Variants in DYM observed in about 807,000 individuals in gnomAD.
DYM encodes the protein dyggve-Melchior-Clausen syndrome protein.
In DYM, 78 loss-of-function variants were observed where a neutral mutation model predicts 93.1. That is an observed-to-expected ratio of 0.84 (90% CI 0.70 to 1.01). The LOEUF (loss-of-function observed/expected upper bound fraction) is 1.01, where lower values mean the gene tolerates loss of function less well. Among genes scored for constraint, DYM ranks in the 50% least tolerant of loss-of-function variants. DYM has a pLI of 0.00. For missense variants in DYM, 789 were observed against 845.0 expected (o/e 0.93, Z 0.82); for synonymous variants, 321 against 319.7 (o/e 1.00, Z -0.04).
At chr18:49,245,238 T>A (rs1330054581) in intron 13 of DYM, among the ~76,000 whole-genome samples, 1 of 152,208 alleles carries the variant, frequency 6.6e-6, no homozygotes. Context: ...AAAATGTTTG[T>A]AAAACATGTA....
rs146791528 is a variant in DYM, at chr18:49,303,209, G to A, written c.764-16593C>T. Reference sequence around the variant, plus strand: ...ATCTGCATTTCCTGATTTCTCCTGAGGGACAATCTCTCTTAGGCATTTTGC... The same window carrying A: ...ATCTGCATTTCCTGATTTCTCCTGAAGGACAATCTCTCTTAGGCATTTTGC... On this transcript the variant is annotated intron_variant, in intron 8 of 17. Coordinates refer to ENST00000675505, the MANE Select transcript of DYM (RefSeq NM_001353214.3). 2.6e-4 allele frequency among the ~76,000 whole-genome samples: 40 copies of A among 152,274 alleles called. No individual in the cohort carries two copies. In the East Asian group the frequency reaches 7.1e-3, roughly 27 times the overall value.
Position 49,389,949 on chromosome 18 carries a change from A to G in DYM, c.193+1644T>C, listed in dbSNP as rs1379934247. Reference sequence around the variant, plus strand: ...ACCCAAAGTCACCTTAAAAGCCATTATCACAGTAACTACACTAATATTGTT... The same window carrying G: ...ACCCAAAGTCACCTTAAAAGCCATTGTCACAGTAACTACACTAATATTGTT... On this transcript the variant is annotated intron_variant, in intron 3 of 17. Transcript: ENST00000675505. Among the ~76,000 whole-genome samples the G allele has an allele frequency of 2.0e-5, 3 of 152,174 alleles. No individual in the cohort carries two copies. The East Asian group carries it at 5.8e-4, about 29-fold the overall frequency.
At chr18:49,456,974 C>T (rs1316628005) in intron 1 of DYM, among the ~76,000 whole-genome samples, 2 of 152,182 alleles carry the variant, frequency 1.3e-5, no homozygotes, top group Non-Finnish European at 2.9e-5. Context: ...CACTAGGAAA[C>T]AGGATACCAA....
At chr18:49,434,783 T>A (rs780410049) in intron 1 of DYM, among the ~76,000 whole-genome samples, 1 of 151,994 alleles carries the variant, frequency 6.6e-6, no homozygotes, top group Non-Finnish European at 1.5e-5. Context: ...CTGGGCAATA[T>A]AGCAATACCC....
chr18:49,286,319 C>T lies in DYM; in HGVS notation c.946+115G>A, dbSNP rs567677137. 4.9e-6 allele frequency: 6 copies of T among 1,231,048 alleles called. No individual in the cohort carries two copies. In the Admixed American group the frequency reaches 1.0e-4, roughly 21 times the overall value. The allele number at this position is 1,231,048 out of a possible 1,614,324, so 76.3% of individuals were successfully genotyped here. ...AAGCTAAAGTTTTTCTCATGTTTGA[C>T]CAATATGAAAACATACAATGGACAC... is the stretch of plus-strand genomic sequence containing the variant. On this transcript the variant is annotated intron_variant, in intron 9 of 17. Coordinates refer to ENST00000675505, the MANE Select transcript of DYM (RefSeq NM_001353214.3).
At chr18:49,409,969 T>C (rs190492173) in intron 2 of DYM, among the ~76,000 whole-genome samples, 59 of 152,306 alleles carry the variant, frequency 3.9e-4, no homozygotes, top group African/African-American at 1.3e-3. Context: ...GCCTCTTTAG[T>C]GGTTTCTATC....
intron 11 of DYM, among the ~76,000 whole-genome samples, chr18:49,271,561 C>T (rs1000399299): frequency 6.6e-6 from 1 of 151,858 alleles, no homozygotes; most frequent in Non-Finnish European, 1.5e-5. Context: ...AAAGCATTTG[C>T]CTTACAGGAG....
At chr18:49,411,370 A>G (rs2072225322) in intron 2 of DYM, among the ~76,000 whole-genome samples, 1 of 152,206 alleles carries the variant, frequency 6.6e-6, no homozygotes, top group African/African-American at 2.4e-5. Context: ...GAAGAAAACA[A>G]AATTTTAAAT....
chr18:49,184,995 G>A (rs1316210705), intron 14 of DYM, among the ~76,000 whole-genome samples: 1 of 152,144 alleles, frequency 6.6e-6, no homozygotes, highest in Non-Finnish European at 1.5e-5. Context: ...GGTGGTCAGG[G>A]AAGGCTTCAC....
chr18:49,245,122 T>G (rs898054994), intron 13 of DYM, among the ~76,000 whole-genome samples: 1 of 152,232 alleles, frequency 6.6e-6, no homozygotes, highest in Non-Finnish European at 1.5e-5. Context: ...ATCAATACTT[T>G]TATAATTTCT....
intron 3 of DYM, among the ~76,000 whole-genome samples, chr18:49,383,629 T>A (rs1392200437): frequency 6.6e-6 from 1 of 152,230 alleles, no homozygotes; most frequent in Non-Finnish European, 1.5e-5. Context: ...TGCAGCTTCA[T>A]GGGTTACACC....
chr18:49,415,387 C>G (rs1600079690), intron 2 of DYM, among the ~76,000 whole-genome samples: 1 of 147,818 alleles, frequency 6.8e-6, no homozygotes, highest in Non-Finnish European at 1.5e-5. Context: ...CGATATACAC[C>G]ATAATGTTAA....
intron 10 of DYM, among the ~76,000 whole-genome samples, chr18:49,273,525 T>C (rs754490296): frequency 2.8e-4 from 42 of 152,188 alleles, no homozygotes; most frequent in Non-Finnish European, 2.8e-4. Context: ...TGTGGTTGTA[T>C]TGTCTCATAA....
intron 15 of DYM, among the ~76,000 whole-genome samples, chr18:49,153,617 A>G (rs920119972): frequency 6.6e-6 from 1 of 152,238 alleles, no homozygotes; most frequent in African/African-American, 2.4e-5. Flanking sequence ...GCAACAGAAT[A>G]ATAACAGTAT....
intron 2 of DYM, among the ~76,000 whole-genome samples, chr18:49,404,360 A>G (rs1191470081): frequency 6.6e-6 from 1 of 152,196 alleles, no homozygotes. Flanking sequence ...TTGCTATTGC[A>G]AATACTGCTG....
chr18:49,120,470 C>T (rs894538810), intron 15 of DYM, among the ~76,000 whole-genome samples: 3 of 152,308 alleles, frequency 2.0e-5, no homozygotes, highest in Admixed American at 2.0e-4. Flanking sequence ...GGACATCCCC[C>T]TGCCTCGGAA....
intron 15 of DYM, among the ~76,000 whole-genome samples, chr18:49,141,424 T>C (rs989842433): frequency 3.3e-5 from 5 of 152,284 alleles, no homozygotes; most frequent in Non-Finnish European, 5.9e-5. Flanking sequence ...GCCTTGAACA[T>C]AGCCCTACAA....
intron 2 of DYM, among the ~76,000 whole-genome samples, chr18:49,407,370 C>T (rs745397240): frequency 6.6e-6 from 1 of 152,014 alleles, no homozygotes; most frequent in Non-Finnish European, 1.5e-5. Context: ...AAAGGAATAC[C>T]GGAGCCTGAG....
At chr18:49,421,220 TGA>T (rs2073665736) in intron 2 of DYM, among the ~76,000 whole-genome samples, 1 of 152,140 alleles carries the variant, frequency 6.6e-6, no homozygotes, top group Non-Finnish European at 1.5e-5. Flanking sequence ...CCCTGACCCC[TGA>T]GTAGCCTAAC....
Sources: gnomAD v4.1 joint callset for allele counts (sites outside exome capture counted in the v4.1 genomes callset) on GRCh38, gnomAD v4.1.1 for gene constraint, MANE v1.5 for transcripts, NCBI Gene and HGNC (gene_info 2026-07-23, HGNC 2026-07-21) for gene names.